Variants in IKBIP observed in about 807,000 individuals in gnomAD.
IKBIP encodes inhibitor of nuclear factor kappa-B kinase-interacting protein.
A neutral mutation model predicts 31.0 loss-of-function variants in IKBIP; 28 were observed. The ratio of observed to expected loss-of-function variants is 0.90; its 90% CI spans 0.67 to 1.24. IKBIP has a LOEUF of 1.24. Among genes scored for constraint, IKBIP ranks in the 50% most tolerant of loss-of-function variants. The probability of loss-of-function intolerance (pLI) is 0.00; values close to 1 mark genes in which losing one functional copy is unlikely to be tolerated. For missense variants in IKBIP, 453 were observed against 441.9 expected (o/e 1.03, Z -0.23); for synonymous variants, 164 against 160.3 (o/e 1.02, Z -0.17).
intron 1 of IKBIP, among the ~76,000 whole-genome samples, chr12:98,639,048 TTCTC>T (rs1392366978): frequency 6.6e-6 from 1 of 152,136 alleles, no homozygotes; most frequent in African/African-American, 2.4e-5. Context: ...CCCCTTTTTT[TTCTC>T]TTTTTGGAGA....
At chr12:98,639,470 G>A (rs2097628580) in intron 1 of IKBIP, among the ~76,000 whole-genome samples, 1 of 152,216 alleles carries the variant, frequency 6.6e-6, no homozygotes, top group South Asian at 2.1e-4. Context: ...CCTTGTGGAA[G>A]AGTGAGATAC....
rs559429195 is a variant in IKBIP, at chr12:98,635,848, C to G, written c.180-1435G>C. Among the ~76,000 whole-genome samples the G allele has an allele frequency of 2.4e-4, 37 of 152,316 alleles. No individual in the cohort carries two copies. The South Asian group carries it at 7.7e-3, about 32-fold the overall frequency. On this transcript the variant is annotated intron_variant, in intron 1 of 2. Transcript: ENST00000299157. ...TGCCAAAGTGACAATAGATCACAAT[C>G]AGTGCAGAGTGTATAAACTGCACAA...
chr12:98,630,494 T>A (rs1340771657), intron 2 of IKBIP, among the ~76,000 whole-genome samples: 2 of 151,184 alleles, frequency 1.3e-5, no homozygotes, highest in African/African-American at 2.4e-5. Context: ...CATTGGTAGG[T>A]TCTTGGAAAC....
chr12:98,614,456 G>T (rs904953668), intron 2 of IKBIP: 1 of 576,474 alleles, frequency 1.7e-6, no homozygotes, highest in Non-Finnish European at 2.7e-6. Context: ...ACAGAGGCTT[G>T]TTCTGTTACC....
intron 2 of IKBIP, among the ~76,000 whole-genome samples, chr12:98,616,055 T>G (rs970016411): frequency 2.6e-5 from 4 of 152,142 alleles, no homozygotes; most frequent in African/African-American, 9.7e-5. Context: ...TTAGTTTTTT[T>G]TTTTTTGAGG....
chr12:98,634,938 T>C (rs2097624456), intron 1 of IKBIP, among the ~76,000 whole-genome samples: 1 of 151,728 alleles, frequency 6.6e-6, no homozygotes, highest in Admixed American at 6.6e-5. Flanking sequence ...CTCGATCTCC[T>C]GACCTTGTGA....
intron 2 of IKBIP, among the ~76,000 whole-genome samples, chr12:98,614,724 C>A (rs1304822909): frequency 6.6e-6 from 1 of 152,196 alleles, no homozygotes; most frequent in African/African-American, 2.4e-5. Flanking sequence ...AGCCACCACG[C>A]CCTGCCTTAT....
chr12:98,626,049 T>G lies in IKBIP; in HGVS notation c.1015A>C (p.Asn339His), dbSNP rs773456602. ...TTTTCTTTTAGAATATCCAGTTCAT[T>G]TTGCATCTTTAATATGCTATTATCA... ...QYDNSILKMQ[N>H]ELDILKEKVH... Residue 339 changes from asparagine (N) to histidine (H), a missense_variant, in exon 3 of 3, where the codon AAT (asparagine) becomes CAT (histidine). Transcript: ENST00000299157. 1.3e-6 allele frequency: 2 copies of G among 1,589,626 alleles called. No homozygotes were observed. The highest frequency in any genetic ancestry group is 1.7e-6 in the Non-Finnish European group (2 of 1,167,436).
Position 98,618,499 on chromosome 12 carries a change from G to A in IKBIP, c.298-4159C>T, listed in dbSNP as rs527253207. 5.1e-3 allele frequency among the ~76,000 whole-genome samples: 782 copies of A among 152,000 alleles called. 7 individuals are homozygous for A. Among genetic ancestry groups the A allele is most frequent in the African/African-American group, 0.018 (747 of 41,452 alleles). On this transcript the variant is annotated intron_variant, in intron 2 of 2. Coordinates refer to the IKBIP transcript ENST00000342502. Reference sequence around the variant, plus strand: ...AAATTAGCCGGGCGTAGTGGTGGGCGCCTGTAGTCCCAGCTACTCAGGAGG... The same window carrying A: ...AAATTAGCCGGGCGTAGTGGTGGGCACCTGTAGTCCCAGCTACTCAGGAGG...
At position 98,625,337 on chromosome 12, in the gene IKBIP, A is replaced by G. The variant is rs2097613282; in HGVS notation, c.*593T>C. On this transcript the variant is annotated 3_prime_UTR_variant, in exon 3 of 3. Coordinates refer to ENST00000299157, the MANE Select transcript of IKBIP (RefSeq NM_153687.4). ...GTTTCCCAGGCTTTAGAGTTTTCAG[A>G]AAGTGCATATTAATTCATAGCAAAG... The G allele has an allele frequency of 1.0e-6, 1 of 975,460 alleles. No individual in the cohort carries two copies. Among genetic ancestry groups the G allele is most frequent in the African/African-American group, 1.8e-5 (1 of 57,048 alleles). The allele number at this position is 975,460 out of a possible 1,614,324, so 60.4% of individuals were successfully genotyped here.
At position 98,625,247 on chromosome 12, in the gene IKBIP, A is replaced by G. The variant is rs1327509406; in HGVS notation, c.*683T>C. The G allele has an allele frequency of 1.0e-6, 1 of 978,274 alleles. No homozygotes were observed. The highest frequency in any genetic ancestry group is 1.2e-6 in the Non-Finnish European group (1 of 823,506). The allele number at this position is 978,274 out of a possible 1,614,324, so 60.6% of individuals were successfully genotyped here. Reference sequence around the variant, plus strand: ...AAAGGCCTTATGTAAGAACATACTTACTCTGATTTTAAAAGTCTTACAAGT... The same window carrying G: ...AAAGGCCTTATGTAAGAACATACTTGCTCTGATTTTAAAAGTCTTACAAGT... On this transcript the variant is annotated 3_prime_UTR_variant, in exon 3 of 3. Coordinates refer to ENST00000299157, the MANE Select transcript of IKBIP (RefSeq NM_153687.4).
At chr12:98,613,732 T>A (rs2097604589) in exon 3 of IKBIP, 3 of 1,612,988 alleles carry the variant, frequency 1.9e-6, no homozygotes, top group Non-Finnish European at 2.5e-6. Flanking sequence ...CAATGCGTAG[T>A]GTTAAATCAT....
chr12:98,632,536 T>TATATATATATATATAA (rs1189560819), intron 2 of IKBIP, among the ~76,000 whole-genome samples: 1 of 95,546 alleles, frequency 1.0e-5, no homozygotes, highest in Non-Finnish European at 2.0e-5. Context: ...TATATATATA[T>TATATATATATATATAA]ATATATATAT....
Position 98,644,733 on chromosome 12 carries a change from C to G in IKBIP, c.-32G>C, listed in dbSNP as rs779559276. 3 of 1,576,772 alleles carry G rather than the reference C, an allele frequency of 1.9e-6. No individual in the cohort carries two copies. Among genetic ancestry groups the G allele is most frequent in the South Asian group, 1.2e-5 (1 of 86,836 alleles). On this transcript the variant is annotated 5_prime_UTR_variant, in exon 1 of 3. Transcript: ENST00000299157. ...AGACCCTAGGACGACAAGCCCAGGG[C>G]AGCTTCTTCACCAGGGGGAGCAGGA... is the stretch of plus-strand genomic sequence containing the variant.
chr12:98,626,242 T>C lies in IKBIP; in HGVS notation c.822A>G (p.Pro274=). The change falls in exon 3 of 3, where the codon CCA becomes CCG. Residue 274 remains proline, a synonymous_variant. Coordinates refer to ENST00000299157, the MANE Select transcript of IKBIP (RefSeq NM_153687.4). ...PKVEECKTHL[P]TIESAIHSVL... Reference sequence around the variant, plus strand: ...CAGAGTGAATAGCACTTTCAATTGTTGGCAAATGTGTCTTGCATTCTTCAA... The same window carrying C: ...CAGAGTGAATAGCACTTTCAATTGTCGGCAAATGTGTCTTGCATTCTTCAA... The C allele has an allele frequency of 6.2e-7, 1 of 1,614,204 alleles. No individual in the cohort carries two copies. Among genetic ancestry groups the C allele is most frequent in the Non-Finnish European group, 8.5e-7 (1 of 1,180,016 alleles).
At chr12:98,641,735 A>C (rs879536846) in intron 1 of IKBIP, among the ~76,000 whole-genome samples, 1 of 152,180 alleles carries the variant, frequency 6.6e-6, no homozygotes, top group Non-Finnish European at 1.5e-5. Context: ...GGGTTACTGC[A>C]GCTTTGACTT....
At chr12:98,633,735 C>T (rs2097623271) in intron 2 of IKBIP, among the ~76,000 whole-genome samples, 1 of 151,794 alleles carries the variant, frequency 6.6e-6, no homozygotes, top group Admixed American at 6.6e-5. Context: ...AGGCTGGTCT[C>T]CTAACTCCTG....
chr12:98,644,615 G>A lies in IKBIP; in HGVS notation c.87C>T (p.Thr29=), dbSNP rs2097636627. The A allele has an allele frequency of 6.2e-7, 1 of 1,610,240 alleles. No homozygotes were observed. The highest frequency in any genetic ancestry group is 1.3e-5 in the African/African-American group (1 of 74,682). ...CGCCTCCGCTGCTCCGGGCCACGGG[G>A]GTCTTCCCGCCCTCGCTCCGCTTCC... ...EPGKRSEGGK[T]PVARSSGGGG... Residue 29 remains threonine (T), a synonymous_variant, in exon 1 of 3, where the codon ACC becomes ACT. Coordinates refer to ENST00000299157, the MANE Select transcript of IKBIP (RefSeq NM_153687.4).
rs967573519 is a variant in IKBIP, at chr12:98,624,420, G to A, written c.*1510C>T. ...CTCCAGGCTTATTTTCATGATTCAC[G>A]CTGTCTACCACAGGCCCTCCTAACT... On this transcript the variant is annotated 3_prime_UTR_variant, in exon 3 of 3. Coordinates refer to ENST00000299157, the MANE Select transcript of IKBIP (RefSeq NM_153687.4). 12 of 985,034 alleles carry A rather than the reference G, an allele frequency of 1.2e-5. No homozygotes were observed. The African/African-American group carries it at 1.2e-4, about 10-fold the overall frequency. The allele number at this position is 985,034 out of a possible 1,614,324, so 61.0% of individuals were successfully genotyped here.
Sources: gnomAD v4.1 joint callset for allele counts (sites outside exome capture counted in the v4.1 genomes callset) on GRCh38, gnomAD v4.1.1 for gene constraint, MANE v1.5 for transcripts, NCBI Gene and HGNC (gene_info 2026-07-23, HGNC 2026-07-21) for gene names.